The following MYO9B variants were observed in gnomAD, a reference collection of about 807,000 sequenced individuals.
MYO9B encodes the protein unconventional myosin-IXb.
In MYO9B, 71 loss-of-function variants were observed where a neutral mutation model predicts 229.5. The observed-to-expected ratio is 0.31, with a 90% CI of 0.26 to 0.38. MYO9B has a LOEUF of 0.38. Among genes scored for constraint, MYO9B ranks in the 10% least tolerant of loss-of-function variants. The pLI is 1.00. For missense variants in MYO9B, 2,255 were observed against 2,920.5 expected, an observed-to-expected ratio of 0.77 and a Z score of 5.25; for synonymous variants, 1,185 against 1,235.8, an observed-to-expected ratio of 0.96 and a Z score of 0.86.
chr19:17,090,679 TTGTC>T (rs1448442104), intron 1 of MYO9B, among the ~76,000 whole-genome samples: 1 of 152,302 alleles, frequency 6.6e-6, no homozygotes, highest in South Asian at 2.1e-4. Flanking sequence ...CCTGTTCACA[TTGTC>T]TGTGCGTGGG....
At chr19:17,202,350 C>A in intron 28 of MYO9B, 47 bp downstream of exon 28, 1 of 1,499,806 alleles carries the variant, frequency 6.7e-7, no homozygotes, top group Non-Finnish European at 8.9e-7. Context: ...GCCACGCCTA[C>A]CCATGCCTCG....
At chr19:17,166,718 C>G (rs1391521052) in intron 10 of MYO9B, among the ~76,000 whole-genome samples, 1 of 152,108 alleles carries the variant, frequency 6.6e-6, no homozygotes, top group African/African-American at 2.4e-5. Flanking sequence ...GTGTTCTCAT[C>G]ATTTGGCTCC....
At chr19:17,086,555 A>G (rs2057585364) in intron 1 of MYO9B, among the ~76,000 whole-genome samples, 1 of 152,138 alleles carries the variant, frequency 6.6e-6, no homozygotes, top group African/African-American at 2.4e-5. Context: ...TACCATTTGC[A>G]GTATCCCCTC....
At chr19:17,091,077 G>A (rs1395600421) in intron 1 of MYO9B, among the ~76,000 whole-genome samples, 2 of 152,186 alleles carry the variant, frequency 1.3e-5, no homozygotes, top group African/African-American at 4.8e-5. Flanking sequence ...CACCTCACAA[G>A]CCTCAGCAGC....
intron 2 of MYO9B, among the ~76,000 whole-genome samples, chr19:17,123,976 C>T (rs1419363395): frequency 6.6e-6 from 1 of 152,074 alleles, no homozygotes; most frequent in Non-Finnish European, 1.5e-5. Flanking sequence ...GCCTCAATCT[C>T]GTGGGCTCAA....
At chr19:17,185,157 C>T (rs1312752512) in intron 17 of MYO9B, among the ~76,000 whole-genome samples, 170 bp downstream of exon 17, 8 of 152,084 alleles carry the variant, frequency 5.3e-5, no homozygotes, top group Non-Finnish European at 1.2e-4. Context: ...GGGCGGATCA[C>T]GAGGTCAGGA....
intron 2 of MYO9B, among the ~76,000 whole-genome samples, chr19:17,110,428 C>T (rs957059740): frequency 3.9e-5 from 6 of 152,292 alleles, no homozygotes; most frequent in Middle Eastern, 3.4e-3. Flanking sequence ...CTTACAGCAT[C>T]GGCCATGGGG....
intron 14 of MYO9B, among the ~76,000 whole-genome samples, chr19:17,179,027 TAA>T (rs779765764): frequency 1.3e-4 from 13 of 96,908 alleles, no homozygotes; most frequent in East Asian, 3.0e-4. Context: ...CAAGACTCTG[TAA>T]AAAAAAAAAA....
At chr19:17,159,980 T>C (rs1486352216) in intron 8 of MYO9B, among the ~76,000 whole-genome samples, 1 of 152,134 alleles carries the variant, frequency 6.6e-6, no homozygotes, top group Non-Finnish European at 1.5e-5. Flanking sequence ...TGACTACCCT[T>C]ATGTAACTCC....
chr19:17,190,981 C>A, intron 19 of MYO9B, 116 bp from the exon 20 acceptor site: 1 of 1,121,506 alleles, frequency 8.9e-7, no homozygotes, highest in Non-Finnish European at 1.3e-6. Flanking sequence ...TTAGATTTGT[C>A]ATTACCATTC....
At chr19:17,090,806 C>G (rs1030528483) in intron 1 of MYO9B, among the ~76,000 whole-genome samples, 3 of 152,120 alleles carry the variant, frequency 2.0e-5, no homozygotes, top group African/African-American at 7.2e-5. Flanking sequence ...AAAACACAAC[C>G]ATAACCCGAG....
At chr19:17,136,196 C>T (rs73008439) in intron 2 of MYO9B, among the ~76,000 whole-genome samples, 2,826 of 152,182 alleles carry the variant, frequency 0.019, 36 homozygotes, top group Non-Finnish European at 0.029. Context: ...GGCTGGGCTT[C>T]GTGCTGTCAG....
chr19:17,207,006 A>G (rs1220262088), intron 34 of MYO9B, 107 bp from the exon 35 acceptor site: 1 of 1,456,354 alleles, frequency 6.9e-7, no homozygotes, highest in Non-Finnish European at 9.4e-7. Context: ...GGGCTGTGGC[A>G]CTGCTTTCCC....
intron 24 of MYO9B, 93 bp downstream of exon 24, chr19:17,198,401 A>C: frequency 6.5e-7 from 1 of 1,529,442 alleles, no homozygotes; most frequent in Non-Finnish European, 8.9e-7. Flanking sequence ...TAAACCAATC[A>C]CGTTTACAAA....
chr19:17,113,497 A>T (rs1269487839), intron 2 of MYO9B, among the ~76,000 whole-genome samples: 1 of 152,198 alleles, frequency 6.6e-6, no homozygotes, highest in African/African-American at 2.4e-5. Context: ...CCGAAAGGCT[A>T]AACAGCGGGA....
intron 2 of MYO9B, among the ~76,000 whole-genome samples, chr19:17,105,335 A>AG (rs2057782807): frequency 6.6e-6 from 1 of 151,338 alleles, no homozygotes; most frequent in African/African-American, 2.4e-5. Flanking sequence ...AAAAAAAAAA[A>AG]AAAAAAAAAA....
chr19:17,136,370 C>G (rs2072269715), intron 2 of MYO9B, among the ~76,000 whole-genome samples: 1 of 152,086 alleles, frequency 6.6e-6, no homozygotes, highest in African/African-American at 2.4e-5. Context: ...CAACAAAAAA[C>G]AGTTCTCCAG....
At chr19:17,121,358 G>A (rs905451496) in intron 2 of MYO9B, among the ~76,000 whole-genome samples, 1 of 151,910 alleles carries the variant, frequency 6.6e-6, no homozygotes, top group Non-Finnish European at 1.5e-5. Context: ...GGGAGATGAG[G>A]GCAAACTGAA....
chr19:17,146,811 T>C lies in MYO9B; in HGVS notation c.935+1320T>C, dbSNP rs185581018. 1.1e-3 allele frequency among the ~76,000 whole-genome samples: 160 copies of C among 152,188 alleles called. 1 individual carries two copies. Among genetic ancestry groups the C allele is most frequent in the Non-Finnish European group, 1.1e-3 (77 of 68,036 alleles). On this transcript the variant is annotated intron_variant, in intron 3 of 39. Coordinates refer to ENST00000682292, the MANE Select transcript of MYO9B (RefSeq NM_004145.4). ...CTGAGAGGGTCCAAGGCCTGGATAC[T>C]CACAGGGATCCCCCACTAACTATAG...
Sources: allele counts gnomAD v4.1 joint callset (sites outside exome capture counted in the v4.1 genomes callset), GRCh38; gene constraint gnomAD v4.1.1; transcripts MANE v1.5; gene names NCBI Gene and HGNC (gene_info 2026-07-23, HGNC 2026-07-21).